The following ASTN1 variants were observed in gnomAD, a reference collection of about 807,000 sequenced individuals.
The protein encoded by ASTN1 is astrotactin-1.
ASTN1 carries 41 observed loss-of-function variants against 140.7 expected under a neutral mutation model. That is an observed-to-expected ratio of 0.29 (90% CI 0.23 to 0.38). The LOEUF is 0.38. ASTN1 is among the 10% of genes least tolerant of loss of function. ASTN1 has a pLI of 1.00. For missense variants in ASTN1, 1,479 were observed against 1,678.8 expected (o/e 0.88, Z 2.08); for synonymous variants, 640 against 652.2 (o/e 0.98, Z 0.29).
At chr1:177,158,059 A>G (rs1234697741) in intron 1 of ASTN1, among the ~76,000 whole-genome samples, 2 of 152,196 alleles carry the variant, frequency 1.3e-5, no homozygotes, top group African/African-American at 2.4e-5. Flanking sequence ...TCATGTATAC[A>G]TGTAAAAATT....
chr1:176,878,653 A>G (rs556541041), intron 20 of ASTN1, among the ~76,000 whole-genome samples: 17 of 151,630 alleles, frequency 1.1e-4, no homozygotes, highest in Non-Finnish European at 2.2e-4. Context: ...TCCTGGTTCA[A>G]TCCCACAATC....
At chr1:176,899,026 G>C (rs539781215) in intron 16 of ASTN1, among the ~76,000 whole-genome samples, 1 of 152,210 alleles carries the variant, frequency 6.6e-6, no homozygotes, top group African/African-American at 2.4e-5. Flanking sequence ...TCACTCCACT[G>C]TTGTCAGGGA....
intron 2 of ASTN1, among the ~76,000 whole-genome samples, chr1:177,035,301 C>T (rs1280493018): frequency 2.7e-5 from 4 of 149,852 alleles, no homozygotes; most frequent in South Asian, 2.1e-4. Context: ...ACTGGAGAGA[C>T]ATCTACACCC....
rs557408702 is a variant in ASTN1, at chr1:177,006,709, G to A, written c.1523+8082C>T. ...TGTTGGAGGAAATATGAGTGTTCCC[G>A]CCTCTGGCACTGTTTAAAATAAGTC... On this transcript the variant is annotated intron_variant, in intron 8 of 22. Coordinates refer to ENST00000361833, the MANE Select transcript of ASTN1 (RefSeq NM_004319.3). Among the ~76,000 whole-genome samples, 70 of 152,112 alleles carry A rather than the reference G, an allele frequency of 4.6e-4. 1 individual carries two copies. The highest frequency in any genetic ancestry group is 1.6e-3 in the African/African-American group (68 of 41,498).
At chr1:177,011,679 T>C (rs568365549) in intron 8 of ASTN1, among the ~76,000 whole-genome samples, 2 of 149,510 alleles carry the variant, frequency 1.3e-5, no homozygotes, top group Non-Finnish European at 3.0e-5. Flanking sequence ...CACACATGCA[T>C]GCACACACAC....
At chr1:177,024,025 G>A (rs1300110466) in intron 6 of ASTN1, among the ~76,000 whole-genome samples, 1 of 152,212 alleles carries the variant, frequency 6.6e-6, no homozygotes. Flanking sequence ...GCAACTCAGA[G>A]AACAGACATT....
chr1:176,901,270 A>C (rs1669753735), intron 16 of ASTN1, among the ~76,000 whole-genome samples: 1 of 152,214 alleles, frequency 6.6e-6, no homozygotes, highest in East Asian at 1.9e-4. Flanking sequence ...AAACATACAA[A>C]CACATCTCAA....
At chr1:177,135,785 G>A (rs557599885) in intron 1 of ASTN1, among the ~76,000 whole-genome samples, 1 of 152,032 alleles carries the variant, frequency 6.6e-6, no homozygotes, top group Non-Finnish European at 1.5e-5. Flanking sequence ...TAAAAACTTT[G>A]CCACTCAAAG....
In ASTN1 at chr1:177,133,744, A is replaced by G. The variant is rs144123543; in HGVS notation, c.283+30650T>C. Among the ~76,000 whole-genome samples, 12 of 152,348 alleles carry G rather than the reference A, an allele frequency of 7.9e-5. No homozygotes were observed. The East Asian group carries it at 2.1e-3, about 27-fold the overall frequency. ...ACAAGTTCACAGTTTAGCCCTGTAA[A>G]GGTCTAGTTTATTTTTATTTTTGAA... On this transcript the variant is annotated intron_variant, in intron 1 of 22. Transcript: ENST00000361833.
At chr1:177,077,676 GTATT>G (rs1388928478) in intron 1 of ASTN1, among the ~76,000 whole-genome samples, 4 of 152,194 alleles carry the variant, frequency 2.6e-5, no homozygotes, top group African/African-American at 4.8e-5. Context: ...GTGAGGAACA[GTATT>G]AGCAAGGTTC....
intron 14 of ASTN1, among the ~76,000 whole-genome samples, chr1:176,937,035 G>C (rs1671479857): frequency 1.3e-5 from 2 of 152,142 alleles, no homozygotes; most frequent in South Asian, 4.1e-4. Flanking sequence ...AGCCAGGATG[G>C]GGCTCCAGAT....
intron 17 of ASTN1, among the ~76,000 whole-genome samples, chr1:176,891,280 G>A (rs1439823214): frequency 6.6e-6 from 1 of 152,120 alleles, no homozygotes; most frequent in Non-Finnish European, 1.5e-5. Flanking sequence ...TTTTGTTATT[G>A]TTGTCTCTAA....
intron 1 of ASTN1, among the ~76,000 whole-genome samples, chr1:177,100,975 C>G (rs577274938): frequency 3.9e-5 from 6 of 152,256 alleles, no homozygotes; most frequent in Admixed American, 1.3e-4. Context: ...TGCCTGTAAT[C>G]CCCTCTACTG....
intron 2 of ASTN1, among the ~76,000 whole-genome samples, chr1:177,044,665 A>G (rs1558054766): frequency 6.6e-6 from 1 of 152,228 alleles, no homozygotes; most frequent in Non-Finnish European, 1.5e-5. Context: ...CAGGGAATCC[A>G]TAGGTCAGCC....
At chr1:177,119,318 G>A (rs907743323) in intron 1 of ASTN1, among the ~76,000 whole-genome samples, 3 of 152,172 alleles carry the variant, frequency 2.0e-5, no homozygotes, top group Non-Finnish European at 2.9e-5. Context: ...TAATGTCAAG[G>A]AAGAAAAACA....
intron 1 of ASTN1, among the ~76,000 whole-genome samples, chr1:177,134,119 A>G (rs1682065114): frequency 1.3e-5 from 2 of 152,230 alleles, no homozygotes; most frequent in South Asian, 4.1e-4. Flanking sequence ...AAAATTCATC[A>G]TTCCATGTAC....
At chr1:177,106,547 G>A (rs2102143269) in intron 1 of ASTN1, among the ~76,000 whole-genome samples, 1 of 152,164 alleles carries the variant, frequency 6.6e-6, no homozygotes, top group East Asian at 1.9e-4. Context: ...TGCTAAACTG[G>A]TCATTTATTT....
At chr1:176,921,422 T>G (rs932047346) in intron 16 of ASTN1, among the ~76,000 whole-genome samples, 2 of 152,246 alleles carry the variant, frequency 1.3e-5, no homozygotes, top group African/African-American at 4.8e-5. Context: ...TTGTGCCTTT[T>G]GTTTCAGTTT....
At chr1:176,987,577 C>T (rs1673961951) in intron 8 of ASTN1, among the ~76,000 whole-genome samples, 1 of 152,206 alleles carries the variant, frequency 6.6e-6, no homozygotes, top group Non-Finnish European at 1.5e-5. Flanking sequence ...CTCTCTGCCT[C>T]TCCTGTCAGG....
Sources: gnomAD v4.1 joint callset for allele counts (sites outside exome capture counted in the v4.1 genomes callset) on GRCh38, gnomAD v4.1.1 for gene constraint, MANE v1.5 for transcripts, NCBI Gene and HGNC (gene_info 2026-07-23, HGNC 2026-07-21) for gene names.